FAM227B: variants seen among roughly 807,000 people sequenced by gnomAD.
The protein encoded by FAM227B is protein FAM227B.
Under a neutral mutation model 73.8 loss-of-function variants are expected in FAM227B, and 88 were observed. That is an observed-to-expected ratio of 1.19 (90% CI 1.00 to 1.42). The LOEUF (loss-of-function observed/expected upper bound fraction) is 1.42. Ranked by LOEUF, FAM227B falls within the 40% of genes most tolerant of loss-of-function variation. FAM227B has a pLI of 0.00. For missense variants in FAM227B, 632 were observed against 590.9 expected (o/e 1.07, Z -0.72); for synonymous variants, 210 against 190.5 (o/e 1.10, Z -0.84).
At chr15:49,504,980 A>G (rs1001190894) in intron 11 of FAM227B, among the ~76,000 whole-genome samples, 2 of 152,230 alleles carry the variant, frequency 1.3e-5, no homozygotes, top group East Asian at 1.9e-4. Context: ...TAATAGCCAA[A>G]TACTGAGAAC....
At chr15:49,469,103 A>C (rs2151956916) in intron 11 of FAM227B, among the ~76,000 whole-genome samples, 1 of 152,346 alleles carries the variant, frequency 6.6e-6, no homozygotes, top group South Asian at 2.1e-4. Flanking sequence ...AAGAAAATAA[A>C]TGACTCATAA....
intron 3 of FAM227B, chr15:49,606,089 A>G (rs991639963): frequency 6.6e-6 from 1 of 152,198 alleles, no homozygotes; most frequent in African/African-American, 2.4e-5. Context: ...AACCTCTTCA[A>G]GGTATCTTTT....
At chr15:49,338,983 C>A (rs974991900) in intron 13 of FAM227B, among the ~76,000 whole-genome samples, 19 of 152,152 alleles carry the variant, frequency 1.2e-4, no homozygotes, top group African/African-American at 2.4e-4. Context: ...TCCGTCAGGT[C>A]ACTTATGTTC....
At chr15:49,359,824 G>T (rs1409603017) in intron 13 of FAM227B, among the ~76,000 whole-genome samples, 1 of 138,990 alleles carries the variant, frequency 7.2e-6, no homozygotes, top group East Asian at 2.2e-4. Context: ...CAATAGCAAA[G>T]ACTTGGAACC....
At chr15:49,559,252 T>G (rs977559130) in intron 9 of FAM227B, among the ~76,000 whole-genome samples, 4 of 152,072 alleles carry the variant, frequency 2.6e-5, no homozygotes, top group African/African-American at 9.7e-5. Context: ...CATAAGGAAC[T>G]CCTCCCATTA....
intron 9 of FAM227B, among the ~76,000 whole-genome samples, chr15:49,561,315 C>G (rs1025216875): frequency 6.6e-6 from 1 of 152,098 alleles, no homozygotes; most frequent in South Asian, 2.1e-4. Flanking sequence ...CAACAAGAAG[C>G]CTTAACTTTC....
intron 11 of FAM227B, among the ~76,000 whole-genome samples, chr15:49,397,502 A>G (rs541188503): frequency 6.6e-6 from 1 of 152,188 alleles, no homozygotes; most frequent in African/African-American, 2.4e-5. Flanking sequence ...AGAGAACACC[A>G]CAAAGATACT....
At chr15:49,598,191 C>T (rs1334925320) in intron 3 of FAM227B, among the ~76,000 whole-genome samples, 1 of 151,758 alleles carries the variant, frequency 6.6e-6, no homozygotes, top group Non-Finnish European at 1.5e-5. Flanking sequence ...CCAATACCTC[C>T]TTCTTTAAAT....
At chr15:49,370,958 T>G (rs1341122723) in intron 12 of FAM227B, among the ~76,000 whole-genome samples, 1 of 152,178 alleles carries the variant, frequency 6.6e-6, no homozygotes, top group Non-Finnish European at 1.5e-5. Context: ...CCTTTGAAGT[T>G]TTGCCTGCAG....
chr15:49,614,385 T>A (rs1397395265), intron 2 of FAM227B, among the ~76,000 whole-genome samples: 1 of 152,214 alleles, frequency 6.6e-6, no homozygotes, highest in African/African-American at 2.4e-5. Flanking sequence ...GCAGGACCAG[T>A]TAAATAACTT....
intron 11 of FAM227B, among the ~76,000 whole-genome samples, chr15:49,406,371 G>A (rs1260889678): frequency 6.6e-6 from 1 of 152,200 alleles, no homozygotes; most frequent in African/African-American, 2.4e-5. Context: ...AGGACTGATG[G>A]GTTGGGGGGC....
chr15:49,463,995 C>T (rs1243729084), intron 11 of FAM227B, among the ~76,000 whole-genome samples: 11 of 151,898 alleles, frequency 7.2e-5, no homozygotes, highest in African/African-American at 2.2e-4. Context: ...TTTTCATTGG[C>T]GGAGGTGAGA....
chr15:49,551,094 A>G (rs962960446), intron 9 of FAM227B, among the ~76,000 whole-genome samples: 1 of 152,244 alleles, frequency 6.6e-6, no homozygotes, highest in Non-Finnish European at 1.5e-5. Context: ...AGCCCAGCCA[A>G]CACAGCGAAA....
At chr15:49,428,969 G>A (rs777241599) in intron 11 of FAM227B, among the ~76,000 whole-genome samples, 2 of 151,954 alleles carry the variant, frequency 1.3e-5, no homozygotes, top group Non-Finnish European at 2.9e-5. Context: ...AACCTTCAGC[G>A]ACTCATTTGT....
At chr15:49,353,397 A>G (rs2042537962) in intron 13 of FAM227B, 1 of 152,112 alleles carries the variant, frequency 6.6e-6, no homozygotes, top group African/African-American at 2.4e-5. Context: ...AGACAATTAG[A>G]GGAAATATCA....
At chr15:49,352,191 T>A (rs1328242734) in intron 13 of FAM227B, among the ~76,000 whole-genome samples, 4 of 152,180 alleles carry the variant, frequency 2.6e-5, no homozygotes, top group African/African-American at 9.7e-5. Context: ...AGAGCAAGCA[T>A]CCCAAAAGCA....
chr15:49,541,898 C>T, intron 9 of FAM227B, 92 bp from the exon 10 acceptor site: 1 of 1,022,142 alleles, frequency 9.8e-7, no homozygotes, highest in Non-Finnish European at 1.3e-6. Context: ...TTAAATTTGC[C>T]TTGCAATTTA....
intron 3 of FAM227B, among the ~76,000 whole-genome samples, chr15:49,591,888 A>G (rs1312002441): frequency 6.6e-6 from 1 of 152,088 alleles, no homozygotes; most frequent in Non-Finnish European, 1.5e-5. Context: ...ACACACACAC[A>G]CCATATTTTC....
At chr15:49,422,345 C>A in intron 11 of FAM227B, 1 of 218,146 alleles carries the variant, frequency 4.6e-6, no homozygotes, top group East Asian at 1.1e-4. Flanking sequence ...GGAGAGAACT[C>A]ATGCTGGAAA....
Sources: allele counts gnomAD v4.1 joint callset (sites outside exome capture counted in the v4.1 genomes callset), GRCh38; gene constraint gnomAD v4.1.1; transcripts MANE v1.5; gene names NCBI Gene and HGNC (gene_info 2026-07-23, HGNC 2026-07-21).